Variants in CHST9 observed in about 807,000 individuals in gnomAD.
CHST9 encodes carbohydrate sulfotransferase 9, also known as GalNAc-4-sulfotransferase 2.
Under a neutral mutation model 44.4 loss-of-function variants are expected in CHST9, and 41 were observed. The observed-to-expected ratio is 0.92, with a 90% CI of 0.72 to 1.20. CHST9 has a LOEUF of 1.20. Among genes scored for constraint, CHST9 ranks in the 50% most tolerant of loss-of-function variants. The pLI is 0.00. For missense variants in CHST9, 504 were observed against 516.5 expected, an observed-to-expected ratio of 0.98 and a Z score of 0.23; for synonymous variants, 171 against 178.4, an observed-to-expected ratio of 0.96 and a Z score of 0.33.
chr18:27,092,100 A>G (rs1200806719), intron 2 of CHST9, among the ~76,000 whole-genome samples: 1 of 152,118 alleles, frequency 6.6e-6, no homozygotes, highest in East Asian at 1.9e-4. Context: ...GTAGGCTACT[A>G]ATTATTGCCT....
rs1373030794 is a variant in CHST9, at chr18:26,915,441, A to T, written c.*818T>A. On this transcript the variant is annotated 3_prime_UTR_variant, in exon 6 of 6. Transcript: ENST00000618847. ...TTTGATGATTATTCCATCCTGAAACAATTTCCCCCCTGCTCAATTAAACCA... is the reference window on the plus strand; with the variant it reads ...TTTGATGATTATTCCATCCTGAAACTATTTCCCCCCTGCTCAATTAAACCA... 6.5e-6 allele frequency: 1 copy of T among 152,690 alleles called. No individual in the cohort carries two copies. The highest frequency in any genetic ancestry group is 1.5e-5 in the Non-Finnish European group (1 of 68,406). 9.5% of individuals were successfully genotyped at this position (152,690 alleles called of 1,614,324 possible).
chr18:26,941,741 G>C (rs1183439307), intron 5 of CHST9, among the ~76,000 whole-genome samples: 1 of 152,144 alleles, frequency 6.6e-6, no homozygotes, highest in African/African-American at 2.4e-5. Flanking sequence ...GCGTTAACAA[G>C]TTACTTTTAA....
intron 2 of CHST9, among the ~76,000 whole-genome samples, chr18:27,084,597 C>T (rs2057992679): frequency 6.6e-6 from 1 of 151,454 alleles, no homozygotes; most frequent in African/African-American, 2.4e-5. Context: ...TTCAAAAAAA[C>T]AATTTTTGGT....
intron 2 of CHST9, among the ~76,000 whole-genome samples, chr18:27,057,702 G>A (rs983139707): frequency 8.5e-5 from 13 of 152,306 alleles, no homozygotes; most frequent in South Asian, 4.1e-4. Flanking sequence ...TTCTGAGGTC[G>A]GCCATCTGCC....
At chr18:27,111,636 G>A (rs1300819629) in intron 2 of CHST9, among the ~76,000 whole-genome samples, 2 of 152,218 alleles carry the variant, frequency 1.3e-5, no homozygotes, top group Non-Finnish European at 2.9e-5. Flanking sequence ...TGCTGTCTGT[G>A]ATGATTAAGT....
intron 2 of CHST9, among the ~76,000 whole-genome samples, chr18:27,099,556 T>C (rs1184817782): frequency 6.6e-6 from 1 of 150,812 alleles, no homozygotes; most frequent in Non-Finnish European, 1.5e-5. Flanking sequence ...TCAAAAGACA[T>C]GAACAGACAC....
At chr18:27,176,422 AT>A (rs1409959288) in intron 1 of CHST9, among the ~76,000 whole-genome samples, 1 of 152,020 alleles carries the variant, frequency 6.6e-6, no homozygotes, top group Non-Finnish European at 1.5e-5. Context: ...GCAGAGGCAG[AT>A]TTTTGTAATT....
intron 4 of CHST9, among the ~76,000 whole-genome samples, chr18:27,001,501 G>T (rs2056952888): frequency 1.3e-5 from 2 of 152,174 alleles, no homozygotes; most frequent in Non-Finnish European, 2.9e-5. Flanking sequence ...GACAAGCTGA[G>T]ATTTGGATGT....
intron 4 of CHST9, among the ~76,000 whole-genome samples, chr18:26,964,275 T>C (rs1598599648): frequency 6.6e-6 from 1 of 152,208 alleles, no homozygotes; most frequent in South Asian, 2.1e-4. Flanking sequence ...GCAGCTCTTA[T>C]AATTTTCAGT....
chr18:26,982,699 C>T (rs2056707266), intron 4 of CHST9, among the ~76,000 whole-genome samples: 1 of 152,132 alleles, frequency 6.6e-6, no homozygotes, highest in African/African-American at 2.4e-5. Flanking sequence ...ACAGGTATCT[C>T]TGTGTTCCTA....
At chr18:27,168,991 G>A (rs2058813006) in intron 1 of CHST9, among the ~76,000 whole-genome samples, 1 of 152,162 alleles carries the variant, frequency 6.6e-6, no homozygotes, top group Non-Finnish European at 1.5e-5. Flanking sequence ...TTCCTATGGA[G>A]AGGGGTGTCC....
intron 4 of CHST9, among the ~76,000 whole-genome samples, chr18:26,982,007 C>T (rs1379629542): frequency 1.3e-5 from 2 of 152,164 alleles, no homozygotes; most frequent in Non-Finnish European, 2.9e-5. Context: ...GTCAGAATGA[C>T]CTTTAGAAAA....
intron 1 of CHST9, among the ~76,000 whole-genome samples, chr18:27,143,989 C>A (rs1020939289): frequency 6.6e-6 from 1 of 152,128 alleles, no homozygotes; most frequent in Non-Finnish European, 1.5e-5. Context: ...AAAAAACAAA[C>A]AAACAAAAAG....
At chr18:26,993,772 TGAGATTGCACA>T (rs910535831) in intron 4 of CHST9, among the ~76,000 whole-genome samples, 5 of 152,198 alleles carry the variant, frequency 3.3e-5, no homozygotes, top group Admixed American at 3.3e-4. Context: ...AACTGTGAAC[TGAGATTGCACA>T]GAGAGATTCT....
At chr18:27,144,576 T>C (rs1030662009) in intron 1 of CHST9, among the ~76,000 whole-genome samples, 4 of 152,104 alleles carry the variant, frequency 2.6e-5, no homozygotes, top group Non-Finnish European at 4.4e-5. Flanking sequence ...TAGTCCCAGA[T>C]ACTGGAAAGC....
chr18:27,098,000 T>A (rs1249753820), intron 2 of CHST9, among the ~76,000 whole-genome samples: 1 of 151,866 alleles, frequency 6.6e-6, no homozygotes, highest in East Asian at 1.9e-4. Context: ...GTAGTATAGT[T>A]TGAAGTCAGG....
At chr18:26,994,085 G>A (rs538069534) in intron 4 of CHST9, among the ~76,000 whole-genome samples, 1 of 152,212 alleles carries the variant, frequency 6.6e-6, no homozygotes, top group Admixed American at 6.5e-5. Flanking sequence ...ATGGATGAAG[G>A]CCCACTCTAA....
chr18:26,943,562 G>T (rs566652986), intron 5 of CHST9, among the ~76,000 whole-genome samples: 1 of 152,340 alleles, frequency 6.6e-6, no homozygotes, highest in Non-Finnish European at 1.5e-5. Context: ...TGTACCTATG[G>T]GTGAAACCCA....
At chr18:27,044,166 C>T (rs779877942) in intron 3 of CHST9, among the ~76,000 whole-genome samples, 4 of 151,920 alleles carry the variant, frequency 2.6e-5, no homozygotes, top group Non-Finnish European at 5.9e-5. Context: ...CTCATGATAC[C>T]TTGTACATCA....
Sources: allele counts gnomAD v4.1 joint callset (sites outside exome capture counted in the v4.1 genomes callset), GRCh38; gene constraint gnomAD v4.1.1; transcripts MANE v1.5; gene names NCBI Gene and HGNC (gene_info 2026-07-23, HGNC 2026-07-21).